CATSPERT: variants seen among roughly 807,000 people sequenced by gnomAD.
The protein encoded by CATSPERT is catsper channel auxiliary subunit tau, also known as cation channel sperm-associated targeting subunit tau.
chr2:201,496,547 T>A, the CATSPERT span, among the ~76,000 whole-genome samples: 1 of 152,216 alleles, frequency 6.6e-6, no homozygotes, highest in African/African-American at 2.4e-5. Context: ...TTTGCCATGT[T>A]GGCCAGGCTG....
chr2:201,581,616 AT>A, the CATSPERT span, among the ~76,000 whole-genome samples: 2 of 110,994 alleles, frequency 1.8e-5, no homozygotes, highest in East Asian at 2.7e-4. Context: ...TCTGGAAAAT[AT>A]TTTTTTTCCA....
the CATSPERT span, among the ~76,000 whole-genome samples, chr2:201,504,625 T>C: frequency 6.6e-6 from 1 of 152,192 alleles, no homozygotes; most frequent in Non-Finnish European, 1.5e-5. Flanking sequence ...CATTCCTGCT[T>C]CTCATGACCC....
the CATSPERT span, among the ~76,000 whole-genome samples, chr2:201,585,321 C>T: frequency 1.3e-5 from 2 of 149,848 alleles, no homozygotes; most frequent in African/African-American, 4.9e-5. Flanking sequence ...CACCATGGCA[C>T]GTGTATACCT....
chr2:201,561,928 G>A, the CATSPERT span, among the ~76,000 whole-genome samples: 1 of 151,450 alleles, frequency 6.6e-6, no homozygotes, highest in Admixed American at 6.6e-5. Context: ...ACCTACAACA[G>A]CCTCCTACTT....
the CATSPERT span, chr2:201,491,801 A>G: frequency 2.0e-6 from 3 of 1,536,978 alleles, no homozygotes; most frequent in East Asian, 4.9e-5. Flanking sequence ...CAAGCTTTTG[A>G]TTGAGTTATT....
the CATSPERT span, among the ~76,000 whole-genome samples, chr2:201,510,695 C>G: frequency 6.6e-6 from 1 of 151,480 alleles, no homozygotes; most frequent in Non-Finnish European, 1.5e-5. Context: ...TTGGTAAGTT[C>G]TTACGTCATA....
chr2:201,615,543 A>G, the CATSPERT span, among the ~76,000 whole-genome samples: 1 of 152,230 alleles, frequency 6.6e-6, no homozygotes, highest in Admixed American at 6.5e-5. Context: ...AATCTCTGGG[A>G]CACATTTAAA....
chr2:201,600,211 A>G, the CATSPERT span, among the ~76,000 whole-genome samples: 15 of 152,358 alleles, frequency 9.8e-5, 1 homozygote, highest in East Asian at 2.7e-3. Flanking sequence ...GACAGACTGG[A>G]TTAAGAAAAT....
At chr2:201,500,444 G>C in the CATSPERT span, among the ~76,000 whole-genome samples, 103 of 152,112 alleles carry the variant, frequency 6.8e-4, no homozygotes, top group Non-Finnish European at 1.2e-3. Flanking sequence ...AACCCGGGAG[G>C]TGGAGGTTGC....
the CATSPERT span, among the ~76,000 whole-genome samples, chr2:201,614,327 C>T: frequency 6.6e-6 from 1 of 152,174 alleles, no homozygotes; most frequent in Non-Finnish European, 1.5e-5. Context: ...GGGTTACCCA[C>T]AAAGGGAAGC....
chr2:201,537,971 T>G, the CATSPERT span, among the ~76,000 whole-genome samples: 1 of 151,960 alleles, frequency 6.6e-6, no homozygotes, highest in Non-Finnish European at 1.5e-5. Context: ...GCAAAAAAAT[T>G]TGCTATGGTC....
chr2:201,562,412 C>A, the CATSPERT span, among the ~76,000 whole-genome samples: 1 of 151,818 alleles, frequency 6.6e-6, no homozygotes. Context: ...TGGTCTCAAT[C>A]TCCTGACCTC....
At chr2:201,502,990 T>C in the CATSPERT span, among the ~76,000 whole-genome samples, 1 of 152,100 alleles carries the variant, frequency 6.6e-6, no homozygotes, top group Non-Finnish European at 1.5e-5. Context: ...ATCTAATATG[T>C]TGTTAATCTC....
the CATSPERT span, among the ~76,000 whole-genome samples, chr2:201,537,974 C>T: frequency 6.6e-6 from 1 of 151,930 alleles, no homozygotes; most frequent in South Asian, 2.1e-4. Context: ...AAAAAATTTG[C>T]TATGGTCACA....
chr2:201,517,820 GA>G, the CATSPERT span, among the ~76,000 whole-genome samples: 2 of 152,170 alleles, frequency 1.3e-5, no homozygotes, highest in African/African-American at 4.8e-5. Context: ...CTCAAGATGG[GA>G]AAAAGTCAAA....
At chr2:201,536,058 T>C in the CATSPERT span, 1 of 1,613,212 alleles carries the variant, frequency 6.2e-7, no homozygotes, top group Non-Finnish European at 8.5e-7. Flanking sequence ...AATGCTTGGA[T>C]AGTTATCTTT....
the CATSPERT span, chr2:201,487,615 A>G: frequency 1.2e-6 from 2 of 1,610,018 alleles, no homozygotes; most frequent in Non-Finnish European, 8.5e-7. Flanking sequence ...ACATTTTTCA[A>G]TATCCTCTTT....
the CATSPERT span, among the ~76,000 whole-genome samples, chr2:201,488,682 G>A: frequency 3.3e-5 from 5 of 152,102 alleles, no homozygotes; most frequent in African/African-American, 1.2e-4. Context: ...CACACCAAGG[G>A]AATGGGCTGC....
At chr2:201,551,650 G>A in the CATSPERT span, among the ~76,000 whole-genome samples, 1 of 152,254 alleles carries the variant, frequency 6.6e-6, no homozygotes, top group African/African-American at 2.4e-5. Flanking sequence ...AATCAACTCT[G>A]CGTGAGACGT....
Sources: gnomAD v4.1 joint callset for allele counts (sites outside exome capture counted in the v4.1 genomes callset) on GRCh38, gnomAD v4.1.1 for gene constraint, MANE v1.5 for transcripts, NCBI Gene and HGNC (gene_info 2026-07-23, HGNC 2026-07-21) for gene names.